PABPC4L: variants seen among roughly 807,000 people sequenced by gnomAD.
The protein encoded by PABPC4L is poly(A) binding protein cytoplasmic 4 like.
For missense variants in PABPC4L, 452 were observed against 451.4 expected (o/e 1.00, Z -0.01); for synonymous variants, 169 against 164.1 (o/e 1.03, Z -0.23).
At chr4:134,015,165 C>G in the PABPC4L span, among the ~76,000 whole-genome samples, 1 of 152,114 alleles carries the variant, frequency 6.6e-6, no homozygotes, top group African/African-American at 2.4e-5. Flanking sequence ...TATCCCATCC[C>G]GCAGTGCGCT....
chr4:134,160,947 A>C, the PABPC4L span, among the ~76,000 whole-genome samples: 1 of 152,096 alleles, frequency 6.6e-6, no homozygotes, highest in Non-Finnish European at 1.5e-5. Flanking sequence ...TAAGTGAGGA[A>C]CCAGTGACCG....
the PABPC4L span, among the ~76,000 whole-genome samples, chr4:134,094,611 T>C: frequency 6.6e-6 from 1 of 151,914 alleles, no homozygotes; most frequent in African/African-American, 2.4e-5. Context: ...AAGTCTAATT[T>C]ATGCTTGTAA....
the PABPC4L span, among the ~76,000 whole-genome samples, chr4:134,096,393 A>G: frequency 6.6e-6 from 1 of 152,008 alleles, no homozygotes; most frequent in Admixed American, 6.6e-5. Flanking sequence ...TAAGATCAAC[A>G]TAGGCTTAAA....
chr4:134,126,603 G>A, the PABPC4L span, among the ~76,000 whole-genome samples: 1 of 150,272 alleles, frequency 6.7e-6, no homozygotes, highest in Non-Finnish European at 1.5e-5. Flanking sequence ...CTTTTTTTTT[G>A]GTTTTTATTT....
chr4:134,157,401 T>C, the PABPC4L span, among the ~76,000 whole-genome samples: 1 of 151,758 alleles, frequency 6.6e-6, no homozygotes, highest in Non-Finnish European at 1.5e-5. Context: ...ATCTAAATTA[T>C]TGATGACAGA....
At chr4:133,953,530 T>C in the PABPC4L span, among the ~76,000 whole-genome samples, 16 of 152,172 alleles carry the variant, frequency 1.1e-4, no homozygotes, top group Non-Finnish European at 2.1e-4. Context: ...TCTTGAACAT[T>C]TTCTTATTTG....
chr4:133,961,100 C>G, the PABPC4L span, among the ~76,000 whole-genome samples: 1 of 152,130 alleles, frequency 6.6e-6, no homozygotes, highest in Non-Finnish European at 1.5e-5. Context: ...AGCAGGATAC[C>G]AACCAGACCA....
chr4:134,097,968 G>T, the PABPC4L span, among the ~76,000 whole-genome samples: 5 of 151,808 alleles, frequency 3.3e-5, no homozygotes, highest in African/African-American at 1.2e-4. Context: ...TGTTTATCCT[G>T]ATAGGGAAAG....
chr4:133,983,208 C>A, the PABPC4L span, among the ~76,000 whole-genome samples: 1 of 152,056 alleles, frequency 6.6e-6, no homozygotes, highest in East Asian at 1.9e-4. Context: ...CCAAAGAAAC[C>A]TACTTGGTGT....
the PABPC4L span, among the ~76,000 whole-genome samples, chr4:134,021,095 C>T: frequency 6.6e-6 from 1 of 151,996 alleles, no homozygotes; most frequent in Non-Finnish European, 1.5e-5. Context: ...ATAAATTATA[C>T]CTCTTATTTA....
chr4:134,172,226 A>T, the PABPC4L span, among the ~76,000 whole-genome samples: 13 of 152,192 alleles, frequency 8.5e-5, no homozygotes, highest in Non-Finnish European at 7.4e-5. Flanking sequence ...CTAAGCAAAA[A>T]GTACAAAGTT....
At chr4:133,960,645 C>G in the PABPC4L span, among the ~76,000 whole-genome samples, 1 of 152,118 alleles carries the variant, frequency 6.6e-6, no homozygotes, top group Non-Finnish European at 1.5e-5. Context: ...TTTTCTTTTG[C>G]AGCTGGGAGG....
chr4:134,026,817 A>T, the PABPC4L span, among the ~76,000 whole-genome samples: 2 of 152,134 alleles, frequency 1.3e-5, no homozygotes, highest in Non-Finnish European at 1.5e-5. Context: ...TCTTGAGAAG[A>T]TGAAAACAGA....
the PABPC4L span, among the ~76,000 whole-genome samples, chr4:134,164,119 C>T: frequency 2.0e-5 from 3 of 150,342 alleles, no homozygotes; most frequent in South Asian, 2.1e-4. Context: ...AAAAATTAGC[C>T]GGGCGTAGTG....
the PABPC4L span, among the ~76,000 whole-genome samples, chr4:134,175,114 A>C: frequency 6.6e-6 from 1 of 152,164 alleles, no homozygotes; most frequent in Non-Finnish European, 1.5e-5. Flanking sequence ...ATAGTAAAAC[A>C]TGACAGTGAT....
the PABPC4L span, among the ~76,000 whole-genome samples, chr4:134,179,217 G>A: frequency 6.6e-6 from 1 of 152,128 alleles, no homozygotes; most frequent in South Asian, 2.1e-4. Flanking sequence ...GAAACTCTAT[G>A]AGCCAGATAA....
the PABPC4L span, among the ~76,000 whole-genome samples, chr4:134,011,266 A>G: frequency 6.6e-6 from 1 of 152,030 alleles, no homozygotes; most frequent in South Asian, 2.1e-4. Context: ...CAGAGACCTA[A>G]TGCTAATTTT....
the PABPC4L span, among the ~76,000 whole-genome samples, chr4:134,169,442 T>G: frequency 6.6e-6 from 1 of 152,030 alleles, no homozygotes. Context: ...AATTCCTAGC[T>G]AGAGCAATCA....
At chr4:134,153,203 C>T in the PABPC4L span, among the ~76,000 whole-genome samples, 1 of 151,976 alleles carries the variant, frequency 6.6e-6, no homozygotes, top group African/African-American at 2.4e-5. Flanking sequence ...TTTTTTAGTA[C>T]TGTGTCTTTC....
Sources: gnomAD v4.1 joint callset for allele counts (sites outside exome capture counted in the v4.1 genomes callset) on GRCh38, gnomAD v4.1.1 for gene constraint, MANE v1.5 for transcripts, NCBI Gene and HGNC (gene_info 2026-07-23, HGNC 2026-07-21) for gene names.